SYBU: variants seen among roughly 807,000 people sequenced by gnomAD.
SYBU encodes syntabulin.
SYBU carries 21 observed loss-of-function variants against 35.9 expected under a neutral mutation model. The observed-to-expected ratio is 0.58, with a 90% CI of 0.41 to 0.84. SYBU has a LOEUF of 0.84. SYBU is among the 40% of genes least tolerant of loss of function. The pLI is 0.00. For missense variants in SYBU, 768 were observed against 848.2 expected (o/e 0.91, Z 1.17); for synonymous variants, 319 against 324.3 (o/e 0.98, Z 0.18).
intron 1 of SYBU, among the ~76,000 whole-genome samples, chr8:109,656,834 T>C (rs958452376): frequency 6.6e-6 from 1 of 152,138 alleles, no homozygotes; most frequent in African/African-American, 2.4e-5. Flanking sequence ...AGAATAAAGG[T>C]AGAATAATGA....
At chr8:109,611,449 C>CG (rs36021136) in intron 3 of SYBU, among the ~76,000 whole-genome samples, 50,626 of 152,022 alleles carry the variant, frequency 0.33, 10,086 homozygotes, top group African/African-American at 0.55. Context: ...AAGATAAACA[C>CG]TAAGTCCACT....
At chr8:109,611,402 G>C (rs1399739966) in intron 3 of SYBU, among the ~76,000 whole-genome samples, 1 of 152,104 alleles carries the variant, frequency 6.6e-6, no homozygotes, top group Non-Finnish European at 1.5e-5. Context: ...ACACAGATGG[G>C]AGAAAGGCAT....
At chr8:109,681,356 G>A (rs997468749), upstream of SYBU, among the ~76,000 whole-genome samples, 1 of 152,076 alleles carries the variant, frequency 6.6e-6, no homozygotes, top group East Asian at 1.9e-4. Flanking sequence ...AAAAAGTTAA[G>A]GCTATAAAGA....
At chr8:109,637,113 AAG>A (rs763828330) in intron 2 of SYBU, among the ~76,000 whole-genome samples, 3 of 152,198 alleles carry the variant, frequency 2.0e-5, no homozygotes, top group Non-Finnish European at 4.4e-5. Flanking sequence ...CAGTGTGCAC[AAG>A]AGTTATCTGG....
At chr8:109,690,567 A>T (rs895975932) in intron 1 of SYBU, among the ~76,000 whole-genome samples, 1 of 152,190 alleles carries the variant, frequency 6.6e-6, no homozygotes, top group Non-Finnish European at 1.5e-5. Flanking sequence ...CCTTGATAGC[A>T]CTACCTGCTG....
At chr8:109,637,023 C>T (rs866533777) in intron 2 of SYBU, among the ~76,000 whole-genome samples, 3 of 152,144 alleles carry the variant, frequency 2.0e-5, no homozygotes, top group African/African-American at 2.4e-5. Context: ...TCTTGTGATG[C>T]TACTTTGGGC....
In SYBU at chr8:109,618,712, A is replaced by C. The variant is rs150327202; in HGVS notation, c.427+130T>G. The C allele has an allele frequency of 4.7e-4, 405 of 867,268 alleles. 4 individuals are homozygous for C. The East Asian group carries it at 8.7e-3, about 19-fold the overall frequency. The allele number at this position is 867,268 out of a possible 1,614,324, so 53.7% of individuals were successfully genotyped here. A position where few individuals can be genotyped will look rare whatever the true frequency, so the allele number is the denominator to read the frequency against. On this transcript the variant is annotated intron_variant, in intron 3 of 6. Transcript: ENST00000276646. ...GTCCACTTTCCACCCTGCCTCCTTT[A>C]AAAATGATGCTTTAGATGCTGGGTA...
chr8:109,673,148 G>A (rs1296150445), intron 1 of SYBU, among the ~76,000 whole-genome samples: 1 of 152,176 alleles, frequency 6.6e-6, no homozygotes, highest in Non-Finnish European at 1.5e-5. Flanking sequence ...TCTGAAGAGA[G>A]CAATGGATCT....
intron 3 of SYBU, among the ~76,000 whole-genome samples, chr8:109,591,804 G>A (rs1824309844): frequency 6.6e-6 from 1 of 151,954 alleles, no homozygotes; most frequent in South Asian, 2.1e-4. Context: ...GAGCCACCGC[G>A]CCCGGCCAAA....
chr8:109,579,962 T>C lies in SYBU; in HGVS notation c.571A>G (p.Lys191Glu). 1.9e-6 allele frequency: 3 copies of C among 1,613,472 alleles called. No individual in the cohort carries two copies. The highest frequency in any genetic ancestry group is 2.5e-6 in the Non-Finnish European group (3 of 1,180,016). ...HGRSNGASSH[K>E]PGSSPSSPRE... ...GGGGATGATGGGCTGCTGCCAGGCT[T>C]GTGTGACGAAGCTCCATTACTCCGC... is the stretch of plus-strand genomic sequence containing the variant. The change falls in exon 5 of 7, where the codon AAG becomes GAG. Residue 191 changes from lysine (K) to glutamate (E), a missense_variant. Transcript: ENST00000276646.
chr8:109,627,486 C>A (rs1431165517), intron 2 of SYBU, among the ~76,000 whole-genome samples: 4 of 152,138 alleles, frequency 2.6e-5, no homozygotes, highest in Non-Finnish European at 5.9e-5. Flanking sequence ...TATCATGTGG[C>A]AAACACATTA....
At chr8:109,677,441 T>C (rs1817231976) in intron 1 of SYBU, among the ~76,000 whole-genome samples, 1 of 152,200 alleles carries the variant, frequency 6.6e-6, no homozygotes, top group Non-Finnish European at 1.5e-5. Flanking sequence ...TGAAGTAAAT[T>C]GCAAAAAAAT....
upstream of SYBU, among the ~76,000 whole-genome samples, chr8:109,649,149 C>T (rs1028794185): frequency 3.4e-4 from 51 of 151,080 alleles, no homozygotes; most frequent in Admixed American, 3.1e-3. Context: ...ACTACAGGCG[C>T]GCACCACCAC....
intron 1 of SYBU, among the ~76,000 whole-genome samples, chr8:109,657,271 C>T (rs958442321): frequency 1.7e-4 from 26 of 152,124 alleles, no homozygotes; most frequent in Non-Finnish European, 3.5e-4. Flanking sequence ...TATTGTAGAC[C>T]AGTCACTGTC....
intron 1 of SYBU, among the ~76,000 whole-genome samples, chr8:109,680,480 ACAGT>A (rs1817363646): frequency 6.7e-6 from 1 of 148,238 alleles, no homozygotes; most frequent in African/African-American, 2.7e-5. Context: ...AGGAAATTGT[ACAGT>A]CAGACTGTAC....
upstream of SYBU, chr8:109,644,975 C>T (rs925551368): frequency 9.8e-6 from 5 of 512,022 alleles, no homozygotes; most frequent in African/African-American, 2.0e-5. Flanking sequence ...GCCCGATTTC[C>T]CCACGGCACT....
chr8:109,658,197 T>C (rs1424754047), intron 1 of SYBU, among the ~76,000 whole-genome samples: 1 of 152,238 alleles, frequency 6.6e-6, no homozygotes, highest in Non-Finnish European at 1.5e-5. Flanking sequence ...TAATTAAGCA[T>C]GTTCAGGTGG....
intron 3 of SYBU, chr8:109,603,398 C>T (rs765078521): frequency 4.1e-6 from 4 of 985,180 alleles, no homozygotes; most frequent in African/African-American, 1.7e-5. Context: ...TCTGCATTTC[C>T]TTGGACTCCT....
rs193053000 is a variant in SYBU at position 109,598,614 on chromosome 8, G to A, written c.428-12452C>T. Among the ~76,000 whole-genome samples the A allele has an allele frequency of 8.5e-5, 13 of 152,258 alleles. No individual in the cohort carries two copies. In the East Asian group the frequency reaches 2.1e-3, roughly 25 times the overall value. ...CATCATCATTAGCCTACTTATCCAC[G>A]TGTTTGGTATGTGTGCTGCTAAACA... On this transcript the variant is annotated intron_variant, in intron 3 of 6. Transcript: ENST00000276646.
Sources: allele counts gnomAD v4.1 joint callset (sites outside exome capture counted in the v4.1 genomes callset), GRCh38; gene constraint gnomAD v4.1.1; transcripts MANE v1.5; gene names NCBI Gene and HGNC (gene_info 2026-07-23, HGNC 2026-07-21).